LDHB: variants seen among roughly 807,000 people sequenced by gnomAD.
LDHB encodes lactate dehydrogenase B.
A neutral mutation model predicts 33.4 loss-of-function variants in LDHB; 18 were observed. That is an observed-to-expected ratio of 0.54 (90% CI 0.37 to 0.80). The LOEUF (loss-of-function observed/expected upper bound fraction) is 0.80, where lower values mean the gene tolerates loss of function less well. Ranked by LOEUF, LDHB falls within the 30% of genes least tolerant of loss-of-function variation. LDHB has a pLI of 0.00. For missense variants in LDHB, 345 were observed against 407.9 expected (o/e 0.85, Z 1.33); for synonymous variants, 121 against 140.6 (o/e 0.86, Z 0.98).
chr12:21,651,355 T>A (rs542963941), intron 2 of LDHB, among the ~76,000 whole-genome samples: 66 of 152,332 alleles, frequency 4.3e-4, no homozygotes, highest in Admixed American at 1.1e-3. Flanking sequence ...AAAAGCTCTC[T>A]ATGGTTATTA....
At position 21,654,637 on chromosome 12, in the gene LDHB, A is replaced by G; in HGVS notation, c.35T>C (p.Val12Ala). The G allele has an allele frequency of 6.2e-7, 1 of 1,614,082 alleles. No individual in the cohort carries two copies. The highest frequency in any genetic ancestry group is 2.2e-5 in the East Asian group (1 of 44,870). The change falls in exon 2 of 8, where the codon GTT becomes GCT. Residue 12 changes from valine to alanine, a missense_variant. Transcript: ENST00000350669. ...TGGAACTGTTGCCTCTTCTTCCGCA[A>G]CTGGTGCAATGAGTTTTTCCTTAAG... ...ATLKEKLIAP[V>A]AEEEATVPNN...
intron 5 of LDHB, among the ~76,000 whole-genome samples, chr12:21,639,291 G>A (rs1938302020): frequency 6.6e-6 from 1 of 151,824 alleles, no homozygotes; most frequent in South Asian, 2.1e-4. Context: ...AGATCAACAT[G>A]AAAAATTTTA....
chr12:21,638,521 A>T (rs1427830), intron 5 of LDHB, 51 bp from the exon 6 acceptor site: 1,241,774 of 1,253,568 alleles, frequency 0.99, 615,555 homozygotes, highest in East Asian at 1. Context: ...ACATTATTTT[A>T]AAAAATATTT....
chr12:21,637,158 G>A lies in LDHB; in HGVS notation c.750C>T (p.Asn250=), dbSNP rs1938241886. 6.2e-7 allele frequency: 1 copy of A among 1,602,218 alleles called. No homozygotes were observed. Among genetic ancestry groups the A allele is most frequent in the Non-Finnish European group, 8.5e-7 (1 of 1,170,172 alleles). The change falls in exon 7 of 8, where the codon AAC becomes AAT. Residue 250 remains asparagine (N), a synonymous_variant. Transcript: ENST00000350669. Reference sequence around the variant, plus strand: ...CAGCCACACTTAATCCAATAGCCCAGTTGGTATATCCTTTTAGCTTGATGA... The same window carrying A: ...CAGCCACACTTAATCCAATAGCCCAATTGGTATATCCTTTTAGCTTGATGA... The part of the protein sequence containing the change: ...YEVIKLKGYT[N]WAIGLSVADL...
intron 5 of LDHB, among the ~76,000 whole-genome samples, chr12:21,641,512 A>G (rs1229404546): frequency 6.6e-6 from 1 of 152,178 alleles, no homozygotes; most frequent in Admixed American, 6.6e-5. Context: ...AGTAGATGTA[A>G]TGTGTGAGCC....
At chr12:21,651,770 A>G (rs989105939) in intron 2 of LDHB, among the ~76,000 whole-genome samples, 1 of 152,236 alleles carries the variant, frequency 6.6e-6, no homozygotes, top group African/African-American at 2.4e-5. Context: ...ATTTGGAACC[A>G]CTTTTATCTT....
intron 6 of LDHB, 118 bp downstream of exon 6, chr12:21,638,235 C>A: frequency 1.4e-6 from 1 of 705,168 alleles, no homozygotes; most frequent in South Asian, 1.6e-5. Flanking sequence ...CAAAAGATAA[C>A]AGCTGCATAA....
chr12:21,653,837 T>G (rs1345227099), intron 2 of LDHB, among the ~76,000 whole-genome samples: 1 of 152,192 alleles, frequency 6.6e-6, no homozygotes, highest in African/African-American at 2.4e-5. Flanking sequence ...TAACAGAATA[T>G]TCCCACAACC....
At chr12:21,638,770 A>G (rs1206199092) in intron 5 of LDHB, among the ~76,000 whole-genome samples, 3 of 152,050 alleles carry the variant, frequency 2.0e-5, no homozygotes, top group Non-Finnish European at 4.4e-5. Context: ...GTGAAATCAC[A>G]GGGATTCTAG....
At chr12:21,656,263 A>T (rs868684166) in intron 1 of LDHB, among the ~76,000 whole-genome samples, 8 of 152,254 alleles carry the variant, frequency 5.3e-5, no homozygotes, top group African/African-American at 1.9e-4. Context: ...CTGTAAGGAT[A>T]AATTAAAAGG....
intron 2 of LDHB, among the ~76,000 whole-genome samples, chr12:21,649,831 C>T (rs4337087): frequency 0.95 from 143,565 of 151,910 alleles, 68,337 homozygotes; most frequent in East Asian, 1. Context: ...GTGGCTCATG[C>T]GTGTAATCCC....
chr12:21,637,678 G>T (rs1938254758), intron 6 of LDHB, among the ~76,000 whole-genome samples: 1 of 151,924 alleles, frequency 6.6e-6, no homozygotes, highest in South Asian at 2.1e-4. Context: ...ACCCATAAAG[G>T]CCCTGGCACT....
Position 21,637,161 on chromosome 12 carries a change from G to A in LDHB, c.747C>T (p.Thr249=), listed in dbSNP as rs375117218. The change falls in exon 7 of 8, where the codon ACC becomes ACT. Residue 249 remains threonine, a synonymous_variant. Coordinates refer to ENST00000350669, the MANE Select transcript of LDHB (RefSeq NM_002300.8). ...AYEVIKLKGY[T]NWAIGLSVAD... Reference sequence around the variant, plus strand: ...CCACACTTAATCCAATAGCCCAGTTGGTATATCCTTTTAGCTTGATGACTT... The same window carrying A: ...CCACACTTAATCCAATAGCCCAGTTAGTATATCCTTTTAGCTTGATGACTT... 1.9e-6 allele frequency: 3 copies of A among 1,601,818 alleles called. No individual in the cohort carries two copies. Among genetic ancestry groups the A allele is most frequent in the Non-Finnish European group, 1.7e-6 (2 of 1,169,982 alleles).
Position 21,644,128 on chromosome 12 carries a change from A to G in LDHB, c.248-20T>C, listed in dbSNP as rs1352897678. On this transcript the variant is annotated intron_variant, in intron 3 of 7. Coordinates refer to ENST00000350669, the MANE Select transcript of LDHB (RefSeq NM_002300.8). ...AATAATCTTTAAAAAGAAAAGCAAAAACAGGTACTTTAAATGCAACTCTTC... is the reference window on the plus strand; with the variant it reads ...AATAATCTTTAAAAAGAAAAGCAAAGACAGGTACTTTAAATGCAACTCTTC... 2 of 1,569,618 alleles carry G rather than the reference A, an allele frequency of 1.3e-6. No homozygotes were observed. The highest frequency in any genetic ancestry group is 2.7e-5 in the African/African-American group (2 of 74,220).
Position 21,654,665 on chromosome 12 carries a change from T to C in LDHB, c.7A>G (p.Thr3Ala), listed in dbSNP as rs745576644. The change falls in exon 2 of 8, where the codon ACT becomes GCT. Residue 3 changes from threonine (T) to alanine (A), a missense_variant. By Grantham distance (58) the Thr-to-Ala change is moderately conservative. Coordinates refer to ENST00000350669, the MANE Select transcript of LDHB (RefSeq NM_002300.8). MA[T>A]LKEKLIAPVA... is the part of the protein sequence containing the mutation. The stretch of plus-strand genomic sequence containing the variant: ...GGTGCAATGAGTTTTTCCTTAAGAG[T>C]TGCCATTTTGCACTGCAAGGAAAGA... 1.2e-6 allele frequency: 2 copies of C among 1,613,394 alleles called. No homozygotes were observed. The highest frequency in any genetic ancestry group is 2.2e-5 in the East Asian group (1 of 44,880).
intron 3 of LDHB, among the ~76,000 whole-genome samples, chr12:21,644,424 C>CAAAAAAAAAAAAAACAAAAAAAAAAAAA (rs1938459058): frequency 6.5e-5 from 1 of 15,276 alleles, no homozygotes; most frequent in African/African-American, 1.3e-4. Flanking sequence ...AGGTAGACAT[C>CAAAAAAAAAAAAAACAAAAAAAAAAAAA]AAAAAAAAAA....
intron 5 of LDHB, among the ~76,000 whole-genome samples, chr12:21,640,692 C>G (rs891074433): frequency 6.6e-6 from 1 of 152,002 alleles, no homozygotes; most frequent in African/African-American, 2.4e-5. Context: ...ATGCCCTGAT[C>G]CTGGTTTCTA....
Position 21,654,594 on chromosome 12 carries a change from TAC to T in LDHB, c.76_77del (p.Val26SerfsTer21). 6.2e-7 allele frequency: 1 copy of T among 1,614,080 alleles called. No homozygotes were observed. The highest frequency in any genetic ancestry group is 8.5e-7 in the Non-Finnish European group (1 of 1,179,908). On this transcript the variant is annotated frameshift_variant, in exon 2 of 8. Coordinates refer to ENST00000350669, the MANE Select transcript of LDHB (RefSeq NM_002300.8). LOFTEE classifies it high-confidence loss of function. ...CCATACCAACTTGTCCAACACCCAC[TAC>T]AGTGATCTTATTGTTTGGAACTGTT... ...EATVPNNKIT[V>X]VGVGQVGMAC...
chr12:21,646,732 GC>G (rs142271292), intron 3 of LDHB, among the ~76,000 whole-genome samples, 166 bp downstream of exon 3: 2,764 of 152,220 alleles, frequency 0.018, 79 homozygotes, highest in African/African-American at 0.063. Context: ...ATCTGAATTT[GC>G]TAAACTACAT....
Sources: gnomAD v4.1 joint callset for allele counts (sites outside exome capture counted in the v4.1 genomes callset) on GRCh38, gnomAD v4.1.1 for gene constraint, MANE v1.5 for transcripts, NCBI Gene and HGNC (gene_info 2026-07-23, HGNC 2026-07-21) for gene names.